Variants in FRMPD4 observed in about 807,000 individuals in gnomAD.
The protein encoded by FRMPD4 is FERM and PDZ domain-containing protein 4.
A neutral mutation model predicts 94.1 loss-of-function variants in FRMPD4; 22 were observed. The ratio of observed to expected loss-of-function variants is 0.23; its 90% CI spans 0.17 to 0.33. The LOEUF (loss-of-function observed/expected upper bound fraction) is 0.33. Ranked by LOEUF, FRMPD4 falls within the 10% of genes least tolerant of loss-of-function variation. The probability of loss-of-function intolerance (pLI) is 1.00; values close to 1 mark genes in which losing one functional copy is unlikely to be tolerated. For synonymous variants in FRMPD4, 631 were observed against 548.6 expected, an observed-to-expected ratio of 1.15 and a Z score of -2.10; for missense variants, 1,111 against 1,339.9, an observed-to-expected ratio of 0.83 and a Z score of 2.67.
chrX:11,873,716 T>A (rs749074497), intron 2 of FRMPD4, among the ~76,000 whole-genome samples: 72 of 107,983 alleles, frequency 6.7e-4, no homozygotes, highest in East Asian at 8.7e-4. Flanking sequence ...TTTTTTTTTT[T>A]TAAAAAAAAG....
chrX:12,364,714 C>T (rs941520098), intron 1 of FRMPD4, among the ~76,000 whole-genome samples: 1 of 111,370 alleles, frequency 9.0e-6, no homozygotes, highest in Admixed American at 9.5e-5. Context: ...TGTTAAAGCA[C>T]CAAGATTATA....
intron 7 of FRMPD4, among the ~76,000 whole-genome samples, chrX:12,688,977 T>G (rs1368855479): frequency 9.0e-6 from 1 of 110,570 alleles, no homozygotes; most frequent in Non-Finnish European, 1.9e-5. Context: ...AAATCATTCT[T>G]TACTGTGGGG....
At chrX:12,361,749 TTC>T (rs1601858136) in intron 1 of FRMPD4, among the ~76,000 whole-genome samples, 1 of 111,787 alleles carries the variant, frequency 8.9e-6, no homozygotes, top group African/African-American at 3.3e-5. Flanking sequence ...CAGAAAGATA[TTC>T]TCTCACAGTT....
intron 1 of FRMPD4, among the ~76,000 whole-genome samples, chrX:12,215,559 T>A (rs2056798190): frequency 8.9e-6 from 1 of 112,069 alleles, no homozygotes; most frequent in Non-Finnish European, 1.9e-5. Context: ...GCCTTATACA[T>A]GTTATTTAAT....
intron 1 of FRMPD4, among the ~76,000 whole-genome samples, chrX:12,208,627 C>T (rs750274153): frequency 3.6e-5 from 4 of 111,873 alleles, no homozygotes; most frequent in Non-Finnish European, 3.8e-5. Flanking sequence ...TTATTTAAAT[C>T]CATAAACTTG....
At chrX:12,270,496 A>G (rs2054339598) in intron 1 of FRMPD4, among the ~76,000 whole-genome samples, 1 of 111,694 alleles carries the variant, frequency 9.0e-6, no homozygotes, top group Admixed American at 9.5e-5. Context: ...ACTAAATATC[A>G]TGATCAAGTT....
At chrX:11,920,679 A>T (rs1294476581) in intron 3 of FRMPD4, among the ~76,000 whole-genome samples, 6 of 112,221 alleles carry the variant, frequency 5.3e-5, no homozygotes, top group Non-Finnish European at 1.1e-4. Context: ...CAGTTTTTTT[A>T]TTTGACAAAT....
intron 3 of FRMPD4, among the ~76,000 whole-genome samples, chrX:11,963,584 C>G (rs1198215097): frequency 1.8e-5 from 2 of 112,064 alleles, no homozygotes; most frequent in Non-Finnish European, 3.8e-5. Context: ...GTCTACTGGC[C>G]AACTATTTCC....
chrX:12,212,816 T>C (rs1003455260), intron 1 of FRMPD4, among the ~76,000 whole-genome samples: 3 of 112,024 alleles, frequency 2.7e-5, no homozygotes, highest in African/African-American at 9.7e-5. Flanking sequence ...TGCTATTCCA[T>C]TGAATTTTAA....
chrX:11,870,653 T>C (rs1221378971), intron 2 of FRMPD4, among the ~76,000 whole-genome samples: 1 of 111,267 alleles, frequency 9.0e-6, no homozygotes, highest in Non-Finnish European at 1.9e-5. Flanking sequence ...TGTGTCTCCG[T>C]TGGGATATAG....
At chrX:12,171,272 C>G (rs1043711790) in intron 1 of FRMPD4, among the ~76,000 whole-genome samples, 8 of 112,271 alleles carry the variant, frequency 7.1e-5, no homozygotes, top group African/African-American at 2.6e-4. Flanking sequence ...AGGCAAGGAT[C>G]AGGACTTGAT....
chrX:12,236,878 G>A (rs2057076824), intron 1 of FRMPD4, among the ~76,000 whole-genome samples: 1 of 111,689 alleles, frequency 9.0e-6, no homozygotes. Flanking sequence ...TTGCTCCCAG[G>A]AGAAATTTGG....
chrX:12,196,847 GTTTC>G (rs2056573644), intron 1 of FRMPD4, among the ~76,000 whole-genome samples: 2 of 109,105 alleles, frequency 1.8e-5, no homozygotes, highest in African/African-American at 6.6e-5. Context: ...TTGACTGCGT[GTTTC>G]TTTCACTTTT....
chrX:11,920,432 C>T (rs753853463), intron 3 of FRMPD4, among the ~76,000 whole-genome samples: 6 of 111,674 alleles, frequency 5.4e-5, no homozygotes, highest in Non-Finnish European at 1.1e-4. Flanking sequence ...AACGATTAAT[C>T]ACAGTATCTT....
At chrX:12,518,075 G>A (rs989533933) in intron 2 of FRMPD4, among the ~76,000 whole-genome samples, 1 of 112,248 alleles carries the variant, frequency 8.9e-6, no homozygotes, top group African/African-American at 3.2e-5. Context: ...TGGAGCTGCA[G>A]CGATGGTGGC....
At chrX:11,908,222 C>G (rs2053978361) in intron 3 of FRMPD4, among the ~76,000 whole-genome samples, 1 of 111,900 alleles carries the variant, frequency 8.9e-6, no homozygotes, top group Admixed American at 9.5e-5. Context: ...TAATTTTTTG[C>G]TGGATCCTCT....
intron 1 of FRMPD4, among the ~76,000 whole-genome samples, chrX:12,244,205 G>A (rs1049206833): frequency 9.1e-6 from 1 of 110,478 alleles, no homozygotes; most frequent in Admixed American, 9.7e-5. Context: ...AGATTGGGTG[G>A]GCTGGCTATC....
At chrX:12,557,759 C>T (rs2058611963) in intron 2 of FRMPD4, among the ~76,000 whole-genome samples, 1 of 111,571 alleles carries the variant, frequency 9.0e-6, no homozygotes, top group South Asian at 3.8e-4. Flanking sequence ...GACCCCCCCT[C>T]CCCAGGTGGG....
chrX:12,020,241 G>C (rs143338551), intron 3 of FRMPD4, among the ~76,000 whole-genome samples: 140 of 112,399 alleles, frequency 1.2e-3, no homozygotes, highest in Non-Finnish European at 2.2e-3. Flanking sequence ...CTTCAGCACA[G>C]TACTTTGCAC....
Sources: gnomAD v4.1 joint callset for allele counts (sites outside exome capture counted in the v4.1 genomes callset) on GRCh38, gnomAD v4.1.1 for gene constraint, MANE v1.5 for transcripts, NCBI Gene and HGNC (gene_info 2026-07-23, HGNC 2026-07-21) for gene names.